CC2D2B: variants seen among roughly 807,000 people sequenced by gnomAD.
The protein encoded by CC2D2B is coiled-coil and C2 domain containing 2B.
Under a neutral mutation model 161.2 loss-of-function variants are expected in CC2D2B, and 128 were observed. The observed-to-expected ratio is 0.79, with a 90% CI of 0.69 to 0.92. The LOEUF is 0.92. CC2D2B is among the 40% of genes least tolerant of loss of function. CC2D2B has a pLI of 0.00. For missense variants in CC2D2B, 1,173 were observed against 1,375.1 expected (o/e 0.85, Z 2.32); for synonymous variants, 391 against 449.8 (o/e 0.87, Z 1.65).
At chr10:96,025,296 G>A (rs1453569717) in intron 33 of CC2D2B, among the ~76,000 whole-genome samples, 1 of 135,430 alleles carries the variant, frequency 7.4e-6, no homozygotes, top group African/African-American at 2.8e-5. Flanking sequence ...GGATTTTGAG[G>A]CTGTAATGAG....
chr10:96,014,828 G>C (rs1397914731), intron 29 of CC2D2B, among the ~76,000 whole-genome samples: 1 of 152,048 alleles, frequency 6.6e-6, no homozygotes, highest in African/African-American at 2.4e-5. Context: ...TAGCTCACCT[G>C]TTCACACTGT....
intron 11 of CC2D2B, among the ~76,000 whole-genome samples, chr10:95,959,307 T>C (rs1478694076): frequency 6.6e-6 from 1 of 152,174 alleles, no homozygotes; most frequent in Admixed American, 6.5e-5. Context: ...CCTGGGAGTT[T>C]GTTAGAAATG....
Position 95,972,074 on chromosome 10 carries a change from A to G in CC2D2B, c.1653A>G (p.Glu551=), listed in dbSNP as rs923614586. The part of the protein sequence containing the change: ...WPEVICLEVY[E]KSKRTSLLAK... ...ATTTCTTTTATATTTAGGTTTATGA[A>G]AAAAGTAAAAGGACAAGCTTACTGG... Residue 551 remains glutamate (E), a synonymous_variant, in exon 16 of 35, where the codon GAA becomes GAG. Transcript: ENST00000646931. 8.1e-7 allele frequency: 1 copy of G among 1,228,970 alleles called. No individual in the cohort carries two copies. Among genetic ancestry groups the G allele is most frequent in the Non-Finnish European group, 1.0e-6 (1 of 985,264 alleles). The allele number at this position is 1,228,970 out of a possible 1,614,324, so 76.1% of individuals were successfully genotyped here.
intron 22 of CC2D2B, among the ~76,000 whole-genome samples, chr10:95,993,998 A>ATATATATATATG (rs2078126368): frequency 8.6e-6 from 1 of 115,648 alleles, no homozygotes. Flanking sequence ...ATATATATAT[A>ATATATATATATG]GTACAGTCCA....
At chr10:95,978,370 T>G (rs2077393783) in intron 17 of CC2D2B, among the ~76,000 whole-genome samples, 2 of 152,194 alleles carry the variant, frequency 1.3e-5, no homozygotes, top group South Asian at 4.1e-4. Flanking sequence ...CTATTATTCA[T>G]TTATTTATTT....
chr10:95,954,540 C>G (rs2076510004), intron 10 of CC2D2B, among the ~76,000 whole-genome samples: 1 of 152,074 alleles, frequency 6.6e-6, no homozygotes. Flanking sequence ...ACAAGTGCCT[C>G]CTTGTTGTTC....
At chr10:95,967,541 A>C (rs1170052082) in intron 14 of CC2D2B, among the ~76,000 whole-genome samples, 1 of 152,188 alleles carries the variant, frequency 6.6e-6, no homozygotes, top group African/African-American at 2.4e-5. Context: ...TAGAAGTGAA[A>C]AGAATACAGA....
intron 29 of CC2D2B, among the ~76,000 whole-genome samples, chr10:96,015,337 A>G (rs916699588): frequency 4.8e-5 from 7 of 147,236 alleles, no homozygotes; most frequent in East Asian, 2.0e-4. Flanking sequence ...TCAGCCTCCC[A>G]AAGTGCTGGG....
Position 95,918,448 on chromosome 10 carries a change from G to A in CC2D2B, c.37-3568G>A, listed in dbSNP as rs1464365418. 2.0e-5 allele frequency among the ~76,000 whole-genome samples: 3 copies of A among 152,114 alleles called. No individual in the cohort carries two copies. In the East Asian group the frequency reaches 5.8e-4, roughly 29 times the overall value. Reference sequence around the variant, plus strand: ...AAATAGATTCTGTCACTTTCTTTTAGCCTGTAAGGTTTTCACTGAGAAATG... The same window carrying A: ...AAATAGATTCTGTCACTTTCTTTTAACCTGTAAGGTTTTCACTGAGAAATG... On this transcript the variant is annotated intron_variant, in intron 2 of 34. Transcript: ENST00000646931.
Position 95,933,715 on chromosome 10 carries a change from C to G in CC2D2B, c.337-4276C>G, listed in dbSNP as rs574753075. Among the ~76,000 whole-genome samples, 8 of 152,296 alleles carry G rather than the reference C, an allele frequency of 5.3e-5. No homozygotes were observed. In the East Asian group the frequency reaches 1.5e-3, roughly 29 times the overall value. On this transcript the variant is annotated intron_variant, in intron 6 of 34. Transcript: ENST00000646931. ...GCCTGGGTGTCACCAGCAGAGGCTA[C>G]AGAACAGCAAAGATTGCTGCCTCTT...
At chr10:95,921,816 A>T (rs1590344631) in intron 2 of CC2D2B, among the ~76,000 whole-genome samples, 200 bp from the exon 3 acceptor site, 1 of 150,842 alleles carries the variant, frequency 6.6e-6, no homozygotes, top group Non-Finnish European at 1.5e-5. Context: ...GGGCTGGGGG[A>T]GGGATAGCAT....
chr10:95,979,522 A>G (rs911656388), intron 17 of CC2D2B, among the ~76,000 whole-genome samples: 2 of 152,092 alleles, frequency 1.3e-5, no homozygotes, highest in African/African-American at 4.8e-5. Context: ...GCTTAAAATG[A>G]TAAGCCTGGT....
intron 24 of CC2D2B, among the ~76,000 whole-genome samples, chr10:96,003,586 T>TTGTGTGTGTGTGTGTGTG (rs68085058): frequency 2.3e-4 from 29 of 127,734 alleles, no homozygotes; most frequent in South Asian, 1.6e-3. Context: ...GCCCGGCTAA[T>TTGTGTGTGTGTGTGTGTG]TGTGTGTGTG....
chr10:95,915,679 A>G (rs1442617557), intron 2 of CC2D2B, among the ~76,000 whole-genome samples: 1 of 152,118 alleles, frequency 6.6e-6, no homozygotes, highest in African/African-American at 2.4e-5. Context: ...TTTGTCTCTC[A>G]TTCTGTTGGT....
intron 9 of CC2D2B, among the ~76,000 whole-genome samples, chr10:95,947,114 T>TATATATG (rs1491386108): frequency 4.2e-5 from 1 of 23,938 alleles, no homozygotes; most frequent in Non-Finnish European, 6.4e-5. Context: ...TATATATATA[T>TATATATG]TTTTTTTTTT....
intron 17 of CC2D2B, among the ~76,000 whole-genome samples, 170 bp from the exon 18 acceptor site, chr10:95,981,805 A>G (rs2077541486): frequency 6.6e-6 from 1 of 152,216 alleles, no homozygotes. Context: ...GAAAACTAGG[A>G]GAGATGTCAC....
chr10:96,000,061 TC>T, intron 24 of CC2D2B: 2 of 1,476,854 alleles, frequency 1.4e-6, no homozygotes, highest in Non-Finnish European at 9.0e-7. Flanking sequence ...TGTAGACTCT[TC>T]CAGTTTTGCC....
intron 15 of CC2D2B, 61 bp from the exon 16 acceptor site, chr10:95,972,004 TA>T: frequency 1.1e-6 from 1 of 906,074 alleles, no homozygotes; most frequent in African/African-American, 1.7e-5. Flanking sequence ...TAAGGGTGCT[TA>T]TTTTTTCCTT....
At chr10:95,923,978 GTCACTGCACT>G (rs1259013263) in intron 3 of CC2D2B, among the ~76,000 whole-genome samples, 1 of 152,068 alleles carries the variant, frequency 6.6e-6, no homozygotes, top group Non-Finnish European at 1.5e-5. Flanking sequence ...CCAAGATGGT[GTCACTGCACT>G]CCAGCCTGGG....
Sources: gnomAD v4.1 joint callset for allele counts (sites outside exome capture counted in the v4.1 genomes callset) on GRCh38, gnomAD v4.1.1 for gene constraint, MANE v1.5 for transcripts, NCBI Gene and HGNC (gene_info 2026-07-23, HGNC 2026-07-21) for gene names.